Variants in EVPLL observed in about 807,000 individuals in gnomAD.
The protein encoded by EVPLL is envoplakin like.
Under a neutral mutation model 46.2 loss-of-function variants are expected in EVPLL, and 39 were observed. The ratio of observed to expected loss-of-function variants is 0.84; its 90% confidence interval spans 0.65 to 1.10. EVPLL has a LOEUF of 1.10. Among genes scored for constraint, EVPLL ranks in the 50% least tolerant of loss-of-function variants. The pLI, the probability that EVPLL is intolerant of heterozygous loss-of-function variation, is 0.00. For synonymous variants in EVPLL, 156 were observed against 165.8 expected, an observed-to-expected ratio of 0.94 and a Z score of 0.46; for missense variants, 385 against 412.6, an observed-to-expected ratio of 0.93 and a Z score of 0.58.
At position 18,382,806 on chromosome 17, in the gene EVPLL, T is replaced by C. The variant is rs1212927256; in HGVS notation, c.473-20T>C. The C allele has an allele frequency of 6.2e-7, 1 of 1,612,206 alleles. No individual in the cohort carries two copies. The highest frequency in any genetic ancestry group is 1.1e-5 in the South Asian group (1 of 90,800). On this transcript the variant is annotated intron_variant, in intron 5 of 10. Transcript: ENST00000399134. ...GTGCCCCACCTCTCACGGGCTTGTT[T>C]CTCCCCTTGGTCAAGGCAGGATGCC...
chr17:18,383,430 G>GGGGGGTGGACGTGGGTGC, intron 8 of EVPLL, 52 bp downstream of exon 8: 1 of 1,544,536 alleles, frequency 6.5e-7, no homozygotes, highest in Non-Finnish European at 8.7e-7. Context: ...GCGGGGAAGG[G>GGGGGGTGGACGTGGGTGC]GGGGGTGGAC....
At chr17:18,386,121 C>T (rs906610837) in intron 9 of EVPLL, among the ~76,000 whole-genome samples, 1 of 152,118 alleles carries the variant, frequency 6.6e-6, no homozygotes, top group African/African-American at 2.4e-5. Flanking sequence ...ATCAAGGTGT[C>T]GGCAGGGAAA....
chr17:18,377,951 G>T lies in EVPLL; in HGVS notation c.-69G>T, dbSNP rs115577888. 1,997 of 1,071,040 alleles carry T rather than the reference G, an allele frequency of 1.9e-3. 30 individuals carry two copies. The African/African-American group carries it at 0.03, about 16-fold the overall frequency. The allele number at this position is 1,071,040 out of a possible 1,614,324, so 66.3% of individuals were successfully genotyped here. ...CCCCCAAGGACTCCCCAGCCAAGGG[G>T]TCCCCCAAAGGCTCCCCCAGCAAGC... On this transcript the variant is annotated 5_prime_UTR_variant, in exon 1 of 11. Coordinates refer to ENST00000399134, the MANE Select transcript of EVPLL (RefSeq NM_001145127.2).
intron 1 of EVPLL, among the ~76,000 whole-genome samples, chr17:18,378,583 G>A (rs1353822362): frequency 1.3e-5 from 2 of 152,158 alleles, no homozygotes; most frequent in Non-Finnish European, 2.9e-5. Flanking sequence ...GGCCAATGCG[G>A]GAGGATTCCT....
intron 1 of EVPLL, 81 bp downstream of exon 1, chr17:18,378,064 C>T (rs896107144): frequency 2.9e-5 from 13 of 441,202 alleles, no homozygotes; most frequent in Admixed American, 1.5e-4. Context: ...CACCTGGCGG[C>T]GGCCCAGAGC....
intron 4 of EVPLL, 136 bp from the exon 5 acceptor site, chr17:18,382,377 G>C: frequency 8.1e-7 from 1 of 1,231,422 alleles, no homozygotes; most frequent in African/African-American, 1.5e-5. Context: ...GCTGCAGGGC[G>C]TGCACCCGGG....
At chr17:18,384,348 A>G (rs1243660937) in intron 9 of EVPLL, among the ~76,000 whole-genome samples, 1 of 151,602 alleles carries the variant, frequency 6.6e-6, no homozygotes, top group African/African-American at 2.4e-5. Context: ...GCTCGTGCCT[A>G]TTGCTTGAGC....
At chr17:18,387,347 T>C (rs987192873) in intron 9 of EVPLL, among the ~76,000 whole-genome samples, 106 of 151,810 alleles carry the variant, frequency 7.0e-4, no homozygotes, top group Non-Finnish European at 9.0e-4. Context: ...CAGCCATTTG[T>C]CATGACCGCT....
intron 4 of EVPLL, chr17:18,382,253 C>G (rs1410372082): frequency 2.4e-6 from 1 of 423,090 alleles, no homozygotes; most frequent in African/African-American, 2.0e-5. Context: ...CAGGATGGAG[C>G]TGGAGACTTC....
Position 18,381,575 on chromosome 17 carries a change from C to T in EVPLL, c.219-28C>T. The T allele has an allele frequency of 6.2e-7, 1 of 1,613,916 alleles. No individual in the cohort carries two copies. The highest frequency in any genetic ancestry group is 8.5e-7 in the Non-Finnish European group (1 of 1,179,942). ...TCCCTGGGGAAGACCCAGGCCCAGCCCTGACCTGCTGGCCACCTTCTTGAC... is the reference window on the plus strand; with the variant it reads ...TCCCTGGGGAAGACCCAGGCCCAGCTCTGACCTGCTGGCCACCTTCTTGAC... On this transcript the variant is annotated intron_variant, in intron 3 of 10. Transcript: ENST00000399134. This position sits in a 1 kb window ranked among gnomAD's most constrained non-coding sequence, Gnocchi z 4.2.
At chr17:18,388,387 G>A (rs1226260369) in intron 10 of EVPLL, 99 bp downstream of exon 10, 1 of 667,144 alleles carries the variant, frequency 1.5e-6, no homozygotes, top group Non-Finnish European at 2.7e-6. Flanking sequence ...TTCTGGGCCG[G>A]TCACCCTGCT....
chr17:18,383,408 G>A (rs1459452892), intron 8 of EVPLL, 30 bp downstream of exon 8: 1 of 1,550,188 alleles, frequency 6.5e-7, no homozygotes, highest in African/African-American at 1.4e-5. Flanking sequence ...AGAGTGAGAA[G>A]GGACGTGGTG....
chr17:18,385,643 C>T (rs970728982), intron 9 of EVPLL, among the ~76,000 whole-genome samples: 1 of 150,722 alleles, frequency 6.6e-6, no homozygotes, highest in Non-Finnish European at 1.5e-5. Context: ...ATGCAGTAGG[C>T]AGCAAGGAAA....
intron 8 of EVPLL, 50 bp from the exon 9 acceptor site, chr17:18,383,442 T>TGGGTGC (rs1567812177): frequency 2.8e-6 from 1 of 358,574 alleles, no homozygotes; most frequent in African/African-American, 5.1e-5. Flanking sequence ...GGGGTGGACG[T>TGGGTGC]GGGTGCGGGG....
intron 4 of EVPLL, 132 bp from the exon 5 acceptor site, chr17:18,382,381 A>C: frequency 4.8e-6 from 6 of 1,258,000 alleles, no homozygotes; most frequent in Non-Finnish European, 4.3e-6. Flanking sequence ...CAGGGCGTGC[A>C]CCCGGGCTGC....
At position 18,380,608 on chromosome 17, in the gene EVPLL, G is replaced by C. The variant is rs973120467; in HGVS notation, c.-36-294G>C. On this transcript the variant is annotated intron_variant, in intron 1 of 10. Transcript: ENST00000399134. ...AAGTGGCAGGCAGCTGGGTGGGGTC[G>C]GGAACTCACTGCCAGCACAGCTGGC... The C allele has an allele frequency of 1.5e-5, 4 of 274,572 alleles. No individual in the cohort carries two copies. In the East Asian group the frequency reaches 2.1e-4, roughly 14 times the overall value. 17.0% of individuals were successfully genotyped at this position (274,572 alleles called of 1,614,324 possible).
chr17:18,380,834 C>A, intron 1 of EVPLL, 68 bp from the exon 2 acceptor site: 1 of 1,355,826 alleles, frequency 7.4e-7, no homozygotes, highest in Non-Finnish European at 1.0e-6. Flanking sequence ...GGGCAGGGGA[C>A]GCCACCTGGA....
chr17:18,378,623 C>G (rs748749664), intron 1 of EVPLL, among the ~76,000 whole-genome samples: 1 of 151,872 alleles, frequency 6.6e-6, no homozygotes, highest in Non-Finnish European at 1.5e-5. Context: ...CCAGCCTGGG[C>G]AACATAGGGA....
Position 18,377,895 on chromosome 17 carries a change from G to C in EVPLL, c.-125G>C. On this transcript the variant is annotated 5_prime_UTR_variant, in exon 1 of 11. Transcript: ENST00000399134. ...ACCTGCCTTTATGACCATGTTCAAG[G>C]GACTGAGCAAAGGCTCCCAGGGGAA... 8.9e-7 allele frequency: 1 copy of C among 1,118,198 alleles called. No individual in the cohort carries two copies. The allele number at this position is 1,118,198 out of a possible 1,614,324, so 69.3% of individuals were successfully genotyped here. A position where few individuals can be genotyped will look rare whatever the true frequency, so the allele number is the denominator to read the frequency against.
Sources: allele counts gnomAD v4.1 joint callset (sites outside exome capture counted in the v4.1 genomes callset), GRCh38; gene constraint gnomAD v4.1.1; non-coding constraint Gnocchi (gnomAD v3.1); transcripts MANE v1.5; gene names NCBI Gene and HGNC (gene_info 2026-07-23, HGNC 2026-07-21).